The following ARHGEF28 variants were observed in gnomAD, a reference collection of about 807,000 sequenced individuals.
The protein encoded by ARHGEF28 is 190 kDa guanine nucleotide exchange factor.
ARHGEF28 carries 152 observed loss-of-function variants against 206.6 expected under a neutral mutation model. That is an observed-to-expected ratio of 0.74 (90% confidence interval 0.64 to 0.84). The LOEUF (loss-of-function observed/expected upper bound fraction) is 0.84. Ranked by LOEUF, ARHGEF28 falls within the 40% of genes least tolerant of loss-of-function variation. The pLI, the probability that ARHGEF28 is intolerant of heterozygous loss-of-function variation, is 0.00. For missense variants in ARHGEF28, 2,028 were observed against 2,073.2 expected (o/e 0.98, Z 0.42); for synonymous variants, 763 against 776.4 (o/e 0.98, Z 0.29).
chr5:73,777,038 G>A (rs114871217), intron 6 of ARHGEF28, among the ~76,000 whole-genome samples: 1,863 of 152,018 alleles, frequency 0.012, 35 homozygotes, highest in African/African-American at 0.042. Flanking sequence ...ATCTACTTCT[G>A]GATTATCATA....
rs1224135105 is a variant in ARHGEF28, at chr5:73,873,081, G to A, written c.2649G>A (p.Leu883=). The change falls in exon 22 of 36, where the codon CTG becomes CTA. Residue 883 remains leucine, a synonymous_variant. Coordinates refer to ENST00000513042, the MANE Select transcript of ARHGEF28 (RefSeq NM_001177693.2). ...EIFRKGMKEE[L]QLDHSTVDKI... ...TCAGGAAAGGCATGAAAGAGGAGCT[G>A]CAGCTGGACCACAGCACCGTGGATA... The A allele has an allele frequency of 6.2e-7, 1 of 1,613,442 alleles. No individual in the cohort carries two copies. Among genetic ancestry groups the A allele is most frequent in the African/African-American group, 1.3e-5 (1 of 74,914 alleles).
Position 73,774,054 on chromosome 5 carries a change from T to C in ARHGEF28, c.659+16T>C, listed in dbSNP as rs371051530. 634 of 1,562,308 alleles carry C rather than the reference T, an allele frequency of 4.1e-4. 3 individuals carry two copies. The African/African-American group carries it at 8.1e-3, about 20-fold the overall frequency. ...ACGTCACAAAGTGAGTTTAGCTACTTGATAGTCTCTCTCTTATTTGTATAA... is the reference window on the plus strand; with the variant it reads ...ACGTCACAAAGTGAGTTTAGCTACTCGATAGTCTCTCTCTTATTTGTATAA... On this transcript the variant is annotated intron_variant, in intron 5 of 35. Coordinates refer to ENST00000513042, the MANE Select transcript of ARHGEF28 (RefSeq NM_001177693.2).
In ARHGEF28 at chr5:73,795,314, G is replaced by C. The variant is rs1257207144; in HGVS notation, c.964-17G>C. ...TATGTAATTTTTTAAAAATCCACCT[G>C]ACTTTATCTCTTCCAGCGTGTCAAA... On this transcript the variant is annotated splice_polypyrimidine_tract_variant and intron_variant, in intron 8 of 35. Transcript: ENST00000513042. 6.2e-7 allele frequency: 1 copy of C among 1,612,046 alleles called. No individual in the cohort carries two copies.
In ARHGEF28 at chr5:73,892,248, C is replaced by G; in HGVS notation, c.3566+18C>G. 6.4e-7 allele frequency: 1 copy of G among 1,551,840 alleles called. No homozygotes were observed. On this transcript the variant is annotated intron_variant, in intron 27 of 35. Coordinates refer to ENST00000513042, the MANE Select transcript of ARHGEF28 (RefSeq NM_001177693.2). ...GTAGAAAGGTAACATTTCCTTCCGT[C>G]CATAATCTATGGAACAGAGTTGTTC...
chr5:73,846,158 A>T, intron 11 of ARHGEF28, 110 bp from the exon 12 acceptor site: 1 of 918,234 alleles, frequency 1.1e-6, no homozygotes, highest in Non-Finnish European at 1.7e-6. Flanking sequence ...ATGAATACCT[A>T]TTGCACCCCC....
chr5:73,668,207 G>A (rs1353832670), intron 1 of ARHGEF28, among the ~76,000 whole-genome samples: 2 of 152,016 alleles, frequency 1.3e-5, no homozygotes, highest in African/African-American at 2.4e-5. Flanking sequence ...CTTCATTTTC[G>A]GGTGTTTGTT....
intron 4 of ARHGEF28, among the ~76,000 whole-genome samples, chr5:73,762,496 C>T (rs903029876): frequency 6.7e-6 from 1 of 148,950 alleles, no homozygotes; most frequent in Non-Finnish European, 1.5e-5. Flanking sequence ...ACAACAAAAT[C>T]TATTTTGAGC....
chr5:73,638,247 A>T (rs1011894282), intron 1 of ARHGEF28, among the ~76,000 whole-genome samples: 1 of 152,240 alleles, frequency 6.6e-6, no homozygotes, highest in South Asian at 2.1e-4. Flanking sequence ...TCAAACAGAA[A>T]AGATGATTCC....
At chr5:73,787,820 T>C (rs1411432528) in intron 7 of ARHGEF28, among the ~76,000 whole-genome samples, 1 of 152,148 alleles carries the variant, frequency 6.6e-6, no homozygotes, top group African/African-American at 2.4e-5. Context: ...GAAAGAACAG[T>C]CTCCATCATT....
chr5:73,648,597 C>A (rs1436961167), intron 1 of ARHGEF28, among the ~76,000 whole-genome samples: 1 of 152,160 alleles, frequency 6.6e-6, no homozygotes, highest in East Asian at 1.9e-4. Flanking sequence ...GTTCCCTAAA[C>A]AAGGTAAATT....
intron 9 of ARHGEF28, among the ~76,000 whole-genome samples, chr5:73,809,204 C>CAA (rs140757151): frequency 0.039 from 5,514 of 140,324 alleles, 119 homozygotes; most frequent in Middle Eastern, 0.056. Context: ...GACTCTGTCT[C>CAA]AAAAAAAAAA....
intron 1 of ARHGEF28, among the ~76,000 whole-genome samples, chr5:73,660,521 T>C (rs539611310): frequency 6.6e-6 from 1 of 152,314 alleles, no homozygotes; most frequent in South Asian, 2.1e-4. Flanking sequence ...AATGGTGAAT[T>C]CTTTCCAGAG....
At position 73,754,887 on chromosome 5, in the gene ARHGEF28, T is replaced by TTTTATTTA. The variant is rs146201724; in HGVS notation, c.475+1701_475+1708dup. Among the ~76,000 whole-genome samples, 2 of 149,560 alleles carry TTTTATTTA rather than the reference T, an allele frequency of 1.3e-5. 1 individual carries two copies. The highest frequency in any genetic ancestry group is 4.2e-4 in the South Asian group (2 of 4,758). Reference sequence around the variant, plus strand: ...ATTAAAATTTTTATTTTTATTTTTATTTTATTTATTTATTTATTTATTTTT... The same window carrying TTTTATTTA: ...ATTAAAATTTTTATTTTTATTTTTATTTTATTTATTTATTTATTTATTTATTTATTTTT... On this transcript the variant is annotated intron_variant, in intron 4 of 35. Transcript: ENST00000513042.
At position 73,731,346 on chromosome 5, in the gene ARHGEF28, C is replaced by T. The variant is rs1580537957; in HGVS notation, c.34-18491C>T. On this transcript the variant is annotated intron_variant, in intron 2 of 35. Coordinates refer to ENST00000513042, the MANE Select transcript of ARHGEF28 (RefSeq NM_001177693.2). The stretch of plus-strand genomic sequence containing the variant: ...TAACTTAAGGATTTCTTCAGTTAGA[C>T]ATATACCTTGAAAAACTCAAATCAT... Among the ~76,000 whole-genome samples, 5 of 152,264 alleles carry T rather than the reference C, an allele frequency of 3.3e-5. No individual in the cohort carries two copies. The South Asian group carries it at 8.3e-4, about 25-fold the overall frequency.
At chr5:73,785,082 G>T (rs921163434) in intron 7 of ARHGEF28, among the ~76,000 whole-genome samples, 28 of 152,316 alleles carry the variant, frequency 1.8e-4, no homozygotes, top group African/African-American at 6.5e-4. Context: ...TTAAAAAAAT[G>T]TAGGAATTAT....
At chr5:73,721,362 C>G (rs1343035083) in intron 2 of ARHGEF28, among the ~76,000 whole-genome samples, 1 of 152,182 alleles carries the variant, frequency 6.6e-6, no homozygotes, top group Non-Finnish European at 1.5e-5. Flanking sequence ...CATGAACCCT[C>G]TAGTGAAACC....
At chr5:73,852,548 G>T (rs992685337) in intron 13 of ARHGEF28, 102 bp from the exon 14 acceptor site, 100 of 941,912 alleles carry the variant, frequency 1.1e-4, no homozygotes, top group Non-Finnish European at 1.7e-4. Flanking sequence ...CTAGCTGGTA[G>T]TGTGTATAAT....
chr5:73,719,335 C>T (rs879573158), intron 2 of ARHGEF28, among the ~76,000 whole-genome samples: 2 of 151,118 alleles, frequency 1.3e-5, no homozygotes, highest in Admixed American at 6.6e-5. Flanking sequence ...GGCGTGAACC[C>T]GGGAGGCGGA....
intron 2 of ARHGEF28, among the ~76,000 whole-genome samples, chr5:73,746,879 G>T (rs1040110150): frequency 1.3e-5 from 2 of 152,110 alleles, no homozygotes; most frequent in Admixed American, 1.3e-4. Flanking sequence ...GGTAGAGCAA[G>T]CTTTGACAGC....
Sources: gnomAD v4.1 joint callset for allele counts (sites outside exome capture counted in the v4.1 genomes callset) on GRCh38, gnomAD v4.1.1 for gene constraint, MANE v1.5 for transcripts, NCBI Gene and HGNC (gene_info 2026-07-23, HGNC 2026-07-21) for gene names.